EFCAB6: variants seen among roughly 807,000 people sequenced by gnomAD.
The protein encoded by EFCAB6 is EF-hand calcium binding domain 6.
EFCAB6 carries 156 observed loss-of-function variants against 169.8 expected under a neutral mutation model. That is an observed-to-expected ratio of 0.92 (90% confidence interval 0.81 to 1.05). The LOEUF is 1.05. EFCAB6 is among the 50% of genes least tolerant of loss of function. The probability of loss-of-function intolerance (pLI) is 0.00; values close to 1 mark genes in which losing one functional copy is unlikely to be tolerated. For missense variants in EFCAB6, 1,800 were observed against 1,829.1 expected (o/e 0.98, Z 0.29); for synonymous variants, 698 against 676.4 (o/e 1.03, Z -0.50).
At chr22:43,651,840 C>T (rs759903496) in intron 17 of EFCAB6, among the ~76,000 whole-genome samples, 2 of 152,192 alleles carry the variant, frequency 1.3e-5, no homozygotes, top group Non-Finnish European at 2.9e-5. Context: ...GGATTTCAGA[C>T]TTGCATGGGG....
intron 9 of EFCAB6, among the ~76,000 whole-genome samples, chr22:43,712,131 T>A (rs6006440): frequency 0.028 from 4,218 of 152,292 alleles, 211 homozygotes; most frequent in African/African-American, 0.097. Flanking sequence ...TTCTTTTTTT[T>A]AATGAGGAAT....
chr22:43,600,287 A>G, intron 22 of EFCAB6, 24 bp from the exon 23 acceptor site: 1 of 1,610,754 alleles, frequency 6.2e-7, no homozygotes, highest in South Asian at 1.1e-5. Context: ...CAAAAACAGA[A>G]AGCACTTCTC....
In EFCAB6 at chr22:43,786,056, A is replaced by G. The variant is rs2148072134; in HGVS notation, c.-7-3731T>C. 2.0e-5 allele frequency among the ~76,000 whole-genome samples: 3 copies of G among 152,348 alleles called. No individual in the cohort carries two copies. The South Asian group carries it at 6.2e-4, about 32-fold the overall frequency. On this transcript the variant is annotated intron_variant, in intron 2 of 31. Coordinates refer to ENST00000262726, the MANE Select transcript of EFCAB6 (RefSeq NM_022785.4). ...CCAGATGAGTTCACTAGTAAATTCT[A>G]CCAAACATTTAAAGAAAAATTCAAG... is the stretch of plus-strand genomic sequence containing the variant.
chr22:43,578,011 C>G (rs1321323078), intron 25 of EFCAB6, among the ~76,000 whole-genome samples: 2 of 152,114 alleles, frequency 1.3e-5, no homozygotes, highest in African/African-American at 4.8e-5. Context: ...TAACTAAGGT[C>G]GATCCTCAGA....
chr22:43,772,770 A>C (rs2061514908), intron 4 of EFCAB6, 122 bp downstream of exon 4: 1 of 1,051,314 alleles, frequency 9.5e-7, no homozygotes. Context: ...AATTATGAAA[A>C]ACAAAACTTC....
intron 6 of EFCAB6, among the ~76,000 whole-genome samples, chr22:43,751,716 GTGA>G (rs1397754487): frequency 2.5e-4 from 38 of 152,356 alleles, no homozygotes; most frequent in African/African-American, 7.5e-4. Flanking sequence ...GACTTGTGCG[GTGA>G]TGATGAACAG....
intron 30 of EFCAB6, among the ~76,000 whole-genome samples, chr22:43,532,578 G>A (rs887244491): frequency 2.9e-5 from 4 of 136,896 alleles, no homozygotes; most frequent in African/African-American, 1.0e-4. Context: ...ACTGTCTAAA[G>A]TCTTTTTTTT....
At chr22:43,588,204 T>C (rs2051206867) in intron 24 of EFCAB6, among the ~76,000 whole-genome samples, 1 of 152,352 alleles carries the variant, frequency 6.6e-6, no homozygotes, top group East Asian at 1.9e-4. Context: ...CACCTATCTG[T>C]GTAGAACTTC....
rs143087123 is a variant in EFCAB6 at position 43,555,014 on chromosome 22, G to A, written c.3503C>T (p.Ala1168Val). The change falls in exon 27 of 32, where the codon GCT becomes GTT. Residue 1168 changes from alanine (A) to valine (V), a missense_variant. By Grantham distance (64) the Ala-to-Val change is moderately conservative (BLOSUM62 0). Transcript: ENST00000262726. The stretch of plus-strand genomic sequence containing the variant: ...GGAAGTCACTGCTTTGTGGAGGCGA[G>A]CCAGGATGTCTCTGTCGGCTGTGGC... Reference protein sequence around the residue: ...PKATADRDILARLHKAVTSHY... With the variant: ...PKATADRDILVRLHKAVTSHY... 1 of 1,614,268 alleles carries A rather than the reference G, an allele frequency of 6.2e-7. No individual in the cohort carries two copies. The highest frequency in any genetic ancestry group is 2.2e-5 in the East Asian group (1 of 44,896).
In EFCAB6 at chr22:43,579,598, C is replaced by A. The variant is rs561679460; in HGVS notation, c.3228+866G>T. On this transcript the variant is annotated intron_variant, in intron 25 of 31. Transcript: ENST00000262726. ...TCATTCCCTACACGCAGGCATCATT[C>A]CCTGCATGCAGGCATCATTCCCTAC... Among the ~76,000 whole-genome samples, 222 of 150,944 alleles carry A rather than the reference C, an allele frequency of 1.5e-3. 1 individual carries two copies. The highest frequency in any genetic ancestry group is 2.7e-3 in the Non-Finnish European group (184 of 67,710).
At chr22:43,743,838 G>A (rs934401634) in intron 6 of EFCAB6, among the ~76,000 whole-genome samples, 21 of 152,164 alleles carry the variant, frequency 1.4e-4, no homozygotes, top group Admixed American at 1.4e-3. Flanking sequence ...CCAAGACTAG[G>A]GCCTGGATCA....
intron 8 of EFCAB6, among the ~76,000 whole-genome samples, chr22:43,722,898 T>G (rs1213842665): frequency 6.6e-6 from 1 of 152,236 alleles, no homozygotes; most frequent in East Asian, 1.9e-4. Flanking sequence ...ATCAAGTCAT[T>G]TGCAGCAACA....
intron 15 of EFCAB6, 101 bp downstream of exon 15, chr22:43,671,872 C>T (rs1237153327): frequency 1.5e-6 from 2 of 1,340,686 alleles, no homozygotes; most frequent in African/African-American, 1.5e-5. Flanking sequence ...ATTATCAATA[C>T]TACCTATTAA....
intron 26 of EFCAB6, among the ~76,000 whole-genome samples, chr22:43,566,340 C>CA (rs1196175455): frequency 6.6e-6 from 1 of 152,234 alleles, no homozygotes; most frequent in African/African-American, 2.4e-5. Flanking sequence ...GGGCAATGAA[C>CA]AACAGCTAAT....
At chr22:43,566,616 T>C (rs1433257800) in intron 26 of EFCAB6, among the ~76,000 whole-genome samples, 1 of 151,994 alleles carries the variant, frequency 6.6e-6, no homozygotes, top group African/African-American at 2.4e-5. Flanking sequence ...GAGATGGAGA[T>C]TGTCTGACTC....
At chr22:43,784,327 T>C (rs928510137) in intron 2 of EFCAB6, among the ~76,000 whole-genome samples, 65 of 151,476 alleles carry the variant, frequency 4.3e-4, no homozygotes, top group South Asian at 8.3e-4. Flanking sequence ...GCCAGCAGAC[T>C]TACTTCCAAG....
At chr22:43,650,637 A>G (rs1057489675) in intron 17 of EFCAB6, among the ~76,000 whole-genome samples, 1 of 152,182 alleles carries the variant, frequency 6.6e-6, no homozygotes, top group African/African-American at 2.4e-5. Flanking sequence ...AGGTTGAAAC[A>G]CTTTGGAGGG....
chr22:43,715,467 G>C (rs1603268305), intron 9 of EFCAB6, among the ~76,000 whole-genome samples: 1 of 152,196 alleles, frequency 6.6e-6, no homozygotes, highest in East Asian at 1.9e-4. Context: ...CCATAAAAGA[G>C]TTAAATATGA....
rs373004920 is a variant in EFCAB6 at position 43,632,248 on chromosome 22, T to C, written c.2099-10A>G. 29 of 1,609,138 alleles carry C rather than the reference T, an allele frequency of 1.8e-5. No homozygotes were observed. Among genetic ancestry groups the C allele is most frequent in the Non-Finnish European group, 2.4e-5 (28 of 1,177,968 alleles). On this transcript the variant is annotated splice_polypyrimidine_tract_variant and intron_variant, in intron 18 of 31. Transcript: ENST00000262726. The stretch of plus-strand genomic sequence containing the variant: ...CCTCTCATTGGAGGATCTGGAACAA[T>C]TACAAAGATCGGGGTTTCCATTAGT...
Sources: gnomAD v4.1 joint callset for allele counts (sites outside exome capture counted in the v4.1 genomes callset) on GRCh38, gnomAD v4.1.1 for gene constraint, MANE v1.5 for transcripts, NCBI Gene and HGNC (gene_info 2026-07-23, HGNC 2026-07-21) for gene names.